Variants in ITGAD observed in about 807,000 individuals in gnomAD.
The protein encoded by ITGAD is integrin subunit alpha D, also known as integrin alpha-D.
In ITGAD, 105 loss-of-function variants were observed where a neutral mutation model predicts 139.0. The ratio of observed to expected loss-of-function variants is 0.76; its 90% CI spans 0.65 to 0.89. The LOEUF is 0.89. Among genes scored for constraint, ITGAD ranks in the 40% least tolerant of loss-of-function variants. The pLI is 0.00. For synonymous variants in ITGAD, 569 were observed against 598.3 expected (o/e 0.95, Z 0.71); for missense variants, 1,384 against 1,487.3 (o/e 0.93, Z 1.14).
intron 18 of ITGAD, among the ~76,000 whole-genome samples, chr16:31,415,635 T>G (rs140979033): frequency 1.3e-5 from 2 of 152,354 alleles, no homozygotes; most frequent in Non-Finnish European, 2.9e-5. Flanking sequence ...CCTACCTCTG[T>G]GCCTTTGTCC....
At chr16:31,425,022 C>T (rs912313422) in intron 29 of ITGAD, among the ~76,000 whole-genome samples, 1 of 152,162 alleles carries the variant, frequency 6.6e-6, no homozygotes, top group African/African-American at 2.4e-5. Flanking sequence ...ATCATGTACT[C>T]ACTGTTTAAT....
intron 23 of ITGAD, among the ~76,000 whole-genome samples, chr16:31,420,834 T>C (rs1419498832): frequency 2.0e-5 from 3 of 152,076 alleles, no homozygotes; most frequent in African/African-American, 7.2e-5. Flanking sequence ...CCCGAGGGCC[T>C]CCCAAAGTGC....
chr16:31,401,023 C>T (rs1224679429), intron 5 of ITGAD, among the ~76,000 whole-genome samples: 24 of 152,072 alleles, frequency 1.6e-4, no homozygotes, highest in Non-Finnish European at 1.5e-5. Context: ...CTTTGGGAGG[C>T]CGAGGTGAGT....
chr16:31,419,791 T>A (rs2081971712), intron 23 of ITGAD, among the ~76,000 whole-genome samples: 1 of 123,264 alleles, frequency 8.1e-6, no homozygotes, highest in Non-Finnish European at 1.6e-5. Context: ...AGCTCAGGGG[T>A]GACAGATTAA....
Position 31,423,954 on chromosome 16 carries a change from G to A in ITGAD, c.3155G>A (p.Arg1052His), listed in dbSNP as rs535493782. Residue 1052 changes from arginine to histidine, a missense_variant, in exon 27 of 30, where the codon CGC (arginine) becomes CAC (histidine). Physicochemically the swap from Arg to His is conservative, Grantham distance 29. Coordinates refer to ENST00000389202, the MANE Select transcript of ITGAD (RefSeq NM_005353.3). Reference protein sequence around the residue: ...LKGNLSFGWVRETLQKKVLVV... With the variant: ...LKGNLSFGWVHETLQKKVLVV... The stretch of plus-strand genomic sequence containing the variant: ...GGCAATCTCAGTTTCGGCTGGGTCC[G>A]CGAGGTGTGTGGGGGCAGCGGCAGA... 5.2e-5 allele frequency: 84 copies of A among 1,613,954 alleles called. No homozygotes were observed. The highest frequency in any genetic ancestry group is 2.0e-4 in the Admixed American group (12 of 59,986).
chr16:31,425,963 G>A, intron 29 of ITGAD, 52 bp from the exon 30 acceptor site: 8 of 1,213,662 alleles, frequency 6.6e-6, no homozygotes, highest in Non-Finnish European at 7.3e-6. Context: ...TTACAGGTGT[G>A]AGCCACCGGG....
In ITGAD at chr16:31,408,463, A is replaced by G; in HGVS notation, c.1048A>G (p.Met350Val). 6.2e-7 allele frequency: 1 copy of G among 1,614,050 alleles called. No homozygotes were observed. The highest frequency in any genetic ancestry group is 8.5e-7 in the Non-Finnish European group (1 of 1,179,970). ...GGCAAGCAGCTCCTTCCAGCACGAG[A>G]TGTCCCAAGAAGGCTTCAGCACAGC... ...SRASSSFQHE[M>V]SQEGFSTALT... The change falls in exon 10 of 30, where the codon ATG (methionine) becomes GTG (valine). Residue 350 changes from methionine to valine, a missense_variant. By Grantham distance (21) the Met-to-Val change is conservative. Coordinates refer to ENST00000389202, the MANE Select transcript of ITGAD (RefSeq NM_005353.3).
At position 31,403,470 on chromosome 16, in the gene ITGAD, G is replaced by T. The variant is rs762718130; in HGVS notation, c.559-30G>T. The T allele has an allele frequency of 6.2e-7, 1 of 1,613,786 alleles. No homozygotes were observed. Among genetic ancestry groups the T allele is most frequent in the East Asian group, 2.2e-5 (1 of 44,862 alleles). On this transcript the variant is annotated intron_variant, in intron 6 of 29. Coordinates refer to ENST00000389202, the MANE Select transcript of ITGAD (RefSeq NM_005353.3). The surrounding 1 kb of genome is among the most constrained non-coding windows in gnomAD (Gnocchi z 4.4). ...TAAAAACAATAGTAACAGGCACTGA[G>T]CCCTGGGCCCTCCCCACTGGCCTTT...
rs201384510 is a variant in ITGAD, at chr16:31,414,864, G to T, written c.2156G>T (p.Cys719Phe). ...CETLKLLLPD[C>F]VEDVVSPIIL... ...TGAAAGCCTGTTCTCTCTCAGGATT[G>T]TGTGGAGGATGTGGTGAGCCCCATC... The change falls in exon 18 of 30, where the codon TGT (cysteine) becomes TTT (phenylalanine). Residue 719 changes from cysteine (C) to phenylalanine (F), a missense_variant. Coordinates refer to ENST00000389202, the MANE Select transcript of ITGAD (RefSeq NM_005353.3). 6.2e-7 allele frequency: 1 copy of T among 1,614,048 alleles called. No individual in the cohort carries two copies. Among genetic ancestry groups the T allele is most frequent in the South Asian group, 1.1e-5 (1 of 91,068 alleles).
intron 6 of ITGAD, chr16:31,402,770 T>G (rs1279296883): frequency 6.6e-6 from 1 of 152,260 alleles, no homozygotes; most frequent in East Asian, 1.9e-4. Flanking sequence ...GCCTGGCTAA[T>G]TTTTAAAAAT....
At chr16:31,398,414 C>G (rs1439761909) in intron 5 of ITGAD, among the ~76,000 whole-genome samples, 1 of 124,742 alleles carries the variant, frequency 8.0e-6, no homozygotes, top group Non-Finnish European at 1.7e-5. Flanking sequence ...GTGACAAGAG[C>G]AAAACTCCAT....
At chr16:31,415,194 G>A (rs1453050831) in intron 18 of ITGAD, among the ~76,000 whole-genome samples, 1 of 152,036 alleles carries the variant, frequency 6.6e-6, no homozygotes, top group Admixed American at 6.6e-5. Flanking sequence ...CCTGGTCCCA[G>A]CTGCTGCCTT....
At chr16:31,412,688 C>A (rs538325253) in intron 14 of ITGAD, 150 bp from the exon 15 acceptor site, 2 of 945,822 alleles carry the variant, frequency 2.1e-6, no homozygotes, top group South Asian at 3.1e-5. Context: ...ACTCCTACCT[C>A]CTCTTTTCAG....
Position 31,407,663 on chromosome 16 carries a change from A to C in ITGAD, c.853A>C (p.Ile285Leu). 6.2e-7 allele frequency: 1 copy of C among 1,614,114 alleles called. No individual in the cohort carries two copies. Among genetic ancestry groups the C allele is most frequent in the African/African-American group, 1.3e-5 (1 of 75,050 alleles). ...GAAGGCTGGCATCATCCGCTACGCT[A>C]TCGGGGTGCGCCTCTTCTTCACCCC... ...AEKAGIIRYA[I>L]GVGHAFQGPT... is the part of the protein sequence containing the mutation. The change falls in exon 8 of 30, where the codon ATC becomes CTC. Residue 285 changes from isoleucine to leucine, a missense_variant. Transcript: ENST00000389202.
intron 23 of ITGAD, among the ~76,000 whole-genome samples, chr16:31,419,812 CAAA>C (rs1202333629): frequency 1.7e-5 from 1 of 58,242 alleles, no homozygotes; most frequent in Non-Finnish European, 3.8e-5. Context: ...GGCTCTGTCT[CAAA>C]AAAAAAAAAA....
At chr16:31,415,352 C>T (rs903043590) in intron 18 of ITGAD, among the ~76,000 whole-genome samples, 4 of 152,196 alleles carry the variant, frequency 2.6e-5, no homozygotes, top group African/African-American at 4.8e-5. Flanking sequence ...CACTCCCCTG[C>T]GTAATCCCCC....
chr16:31,395,260 CA>C (rs1246333370), intron 2 of ITGAD, among the ~76,000 whole-genome samples: 2 of 152,162 alleles, frequency 1.3e-5, no homozygotes, highest in Admixed American at 1.3e-4. Flanking sequence ...GTGGAGGTTG[CA>C]GTGAGCCGAG....
chr16:31,397,366 G>C lies in ITGAD; in HGVS notation c.145G>C (p.Val49Leu). The stretch of plus-strand genomic sequence containing the variant: ...CCATGGTTGTGTCTCCAGACTCGTG[G>C]TGGGAGCACCCCTGGAGGTGGTGGC... ...VVQFGGSRLV[V>L]GAPLEVVAAN... Residue 49 changes from valine to leucine, a missense_variant, in exon 3 of 30, where the codon GTG becomes CTG. Physicochemically the swap from Val to Leu is conservative, Grantham distance 32. Transcript: ENST00000389202. 6.3e-7 allele frequency: 1 copy of C among 1,597,820 alleles called. No individual in the cohort carries two copies. The highest frequency in any genetic ancestry group is 8.5e-7 in the Non-Finnish European group (1 of 1,172,300).
intron 18 of ITGAD, 86 bp from the exon 19 acceptor site, chr16:31,416,127 G>A (rs2081879500): frequency 1.8e-6 from 2 of 1,124,702 alleles, no homozygotes; most frequent in Non-Finnish European, 2.6e-6. Context: ...GCTTAGTAAT[G>A]CTCAATGTTG....
Sources: gnomAD v4.1 joint callset for allele counts (sites outside exome capture counted in the v4.1 genomes callset) on GRCh38, gnomAD v4.1.1 for gene constraint, Gnocchi (gnomAD v3.1) non-coding constraint, MANE v1.5 for transcripts, NCBI Gene and HGNC (gene_info 2026-07-23, HGNC 2026-07-21) for gene names.